The following SLC5A3 variants were observed in gnomAD, a reference collection of about 807,000 sequenced individuals.
SLC5A3 encodes sodium/myo-inositol cotransporter.
In SLC5A3, 10 loss-of-function variants were observed where a neutral mutation model predicts 43.2. The observed-to-expected ratio is 0.23, with a 90% CI of 0.14 to 0.39. The LOEUF (loss-of-function observed/expected upper bound fraction) is 0.39. Ranked by LOEUF, SLC5A3 falls within the 10% of genes least tolerant of loss-of-function variation. The probability of loss-of-function intolerance (pLI) is 1.00; values close to 1 mark genes in which losing one functional copy is unlikely to be tolerated. For synonymous variants in SLC5A3, 349 were observed against 322.0 expected (o/e 1.08, Z -0.90); for missense variants, 608 against 893.4 (o/e 0.68, Z 4.07).
Position 34,106,173 on chromosome 21 carries a change from G to A in SLC5A3, c.*8818G>A. Reference sequence around the variant, plus strand: ...TCTTGCAAAGTACATTCCTTTCTGTGGTATTTTGTCCTGTAACTGAAGTAT... The same window carrying A: ...TCTTGCAAAGTACATTCCTTTCTGTAGTATTTTGTCCTGTAACTGAAGTAT... On this transcript the variant is annotated 3_prime_UTR_variant, in exon 2 of 2. Transcript: ENST00000381151. The A allele has an allele frequency of 1.0e-6, 1 of 987,776 alleles. No individual in the cohort carries two copies. Among genetic ancestry groups the A allele is most frequent in the Non-Finnish European group, 1.2e-6 (1 of 818,616 alleles). 61.2% of individuals were successfully genotyped at this position (987,776 alleles called of 1,614,324 possible).
At position 34,097,553 on chromosome 21, in the gene SLC5A3, C is replaced by A. The variant is rs4817618; in HGVS notation, c.*198C>A. 1,363,869 of 1,363,872 alleles carry A rather than the reference C, an allele frequency of 1. 681,933 individuals are homozygous for A. The highest frequency in any genetic ancestry group is 1 in the Middle Eastern group (3,614 of 3,614). 84.5% of individuals were successfully genotyped at this position (1,363,872 alleles called of 1,614,324 possible). ...AGTAAATCTTCAACTTAAGTGAAGC[C>A]AAACCTAACAGACTGAATTGTGCAA... is the stretch of plus-strand genomic sequence containing the variant. On this transcript the variant is annotated 3_prime_UTR_variant, in exon 2 of 2. Transcript: ENST00000381151.
intron 1 of SLC5A3, among the ~76,000 whole-genome samples, chr21:34,079,961 T>C (rs1009672390): frequency 6.6e-6 from 1 of 152,176 alleles, no homozygotes; most frequent in Non-Finnish European, 1.5e-5. Context: ...TTCTGTCATC[T>C]GGGGCTGAAC....
At position 34,099,400 on chromosome 21, in the gene SLC5A3, T is replaced by G; in HGVS notation, c.*2045T>G. 1.0e-6 allele frequency: 1 copy of G among 1,000,250 alleles called. No individual in the cohort carries two copies. The highest frequency in any genetic ancestry group is 1.2e-6 in the Non-Finnish European group (1 of 829,946). 62.0% of individuals were successfully genotyped at this position (1,000,250 alleles called of 1,614,324 possible). On this transcript the variant is annotated 3_prime_UTR_variant, in exon 2 of 2. Transcript: ENST00000381151. ...GGTTGTCAATGTTTTGTCCTGTTTT[T>G]TCAAAGGAACTGTTCTTCCTTTGGG...
Position 34,097,807 on chromosome 21 carries a change from A to T in SLC5A3, c.*452A>T, listed in dbSNP as rs1166521156. 2 of 999,962 alleles carry T rather than the reference A, an allele frequency of 2.0e-6. No individual in the cohort carries two copies. The highest frequency in any genetic ancestry group is 2.4e-6 in the Non-Finnish European group (2 of 829,646). 61.9% of individuals were successfully genotyped at this position (999,962 alleles called of 1,614,324 possible). A position where few individuals can be genotyped will look rare whatever the true frequency, so the allele number is the denominator to read the frequency against. On this transcript the variant is annotated 3_prime_UTR_variant, in exon 2 of 2. Transcript: ENST00000381151. ...AAAACTTATTTCTTAGACATTGTAC[A>T]ATCAGTTATGTACTGAAAATCGAAT...
In SLC5A3 at chr21:34,100,672, G is replaced by A; in HGVS notation, c.*3317G>A. The A allele has an allele frequency of 2.0e-6, 2 of 1,000,184 alleles. No homozygotes were observed. Among genetic ancestry groups the A allele is most frequent in the Non-Finnish European group, 2.4e-6 (2 of 829,974 alleles). The allele number at this position is 1,000,184 out of a possible 1,614,324, so 62.0% of individuals were successfully genotyped here. A position where few individuals can be genotyped will look rare whatever the true frequency, so the allele number is the denominator to read the frequency against. ...TTCACATTTTAAGAACTGAGTTGAG[G>A]GGGTTGTTATGCACTTCTGTAACTT... On this transcript the variant is annotated 3_prime_UTR_variant, in exon 2 of 2. Transcript: ENST00000381151.
At position 34,095,864 on chromosome 21, in the gene SLC5A3, C is replaced by G. The variant is rs752298091; in HGVS notation, c.666C>G (p.Pro222=). ...EVKRRYMLAS[P]DVTSILLTYN... is the part of the protein sequence containing the mutation. Reference sequence around the variant, plus strand: ...AGAGAAGGTACATGTTGGCCTCACCCGATGTCACTTCCATCTTATTGACAT... The same window carrying G: ...AGAGAAGGTACATGTTGGCCTCACCGGATGTCACTTCCATCTTATTGACAT... Residue 222 remains proline, a synonymous_variant, in exon 2 of 2, where the codon CCC becomes CCG. Coordinates refer to ENST00000381151, the MANE Select transcript of SLC5A3 (RefSeq NM_006933.7). The G allele has an allele frequency of 1.2e-6, 2 of 1,613,912 alleles. No homozygotes were observed. Among genetic ancestry groups the G allele is most frequent in the African/African-American group, 1.3e-5 (1 of 74,880 alleles).
At chr21:34,090,676 C>G (rs554101983) in intron 1 of SLC5A3, among the ~76,000 whole-genome samples, 1 of 152,166 alleles carries the variant, frequency 6.6e-6, no homozygotes, top group Non-Finnish European at 1.5e-5. Flanking sequence ...TGAGCCACCT[C>G]CCCATTGCAC....
At chr21:34,075,150 C>T (rs962015877) in intron 1 of SLC5A3, among the ~76,000 whole-genome samples, 2 of 152,206 alleles carry the variant, frequency 1.3e-5, no homozygotes, top group African/African-American at 4.8e-5. Context: ...GTTGTTTAAG[C>T]CCTCCCTTCA....
chr21:34,088,065 C>CTA, intron 1 of SLC5A3, among the ~76,000 whole-genome samples: 1 of 152,206 alleles, frequency 6.6e-6, no homozygotes, highest in South Asian at 2.1e-4. Context: ...CAACAGGCAA[C>CTA]TACAACACTT....
intron 1 of SLC5A3, among the ~76,000 whole-genome samples, chr21:34,093,869 A>AT (rs1978835581): frequency 6.6e-6 from 1 of 152,170 alleles, no homozygotes; most frequent in Admixed American, 6.5e-5. Context: ...CCTACTGAAG[A>AT]TTTATCTAAT....
Position 34,104,449 on chromosome 21 carries a change from T to C in SLC5A3, c.*7094T>C. ...TAAATTTTGCCCATGTGTTAAAAGATGTAATTCTCAGAATGGGAGAGAAAT... is the reference window on the plus strand; with the variant it reads ...TAAATTTTGCCCATGTGTTAAAAGACGTAATTCTCAGAATGGGAGAGAAAT... On this transcript the variant is annotated 3_prime_UTR_variant, in exon 2 of 2. Transcript: ENST00000381151. The C allele has an allele frequency of 1.0e-6, 1 of 999,810 alleles. No individual in the cohort carries two copies. Among genetic ancestry groups the C allele is most frequent in the Non-Finnish European group, 1.2e-6 (1 of 829,658 alleles). The allele number at this position is 999,810 out of a possible 1,614,324, so 61.9% of individuals were successfully genotyped here.
In SLC5A3 at chr21:34,104,890, T is replaced by C; in HGVS notation, c.*7535T>C. The C allele has an allele frequency of 1.0e-6, 1 of 1,000,282 alleles. No homozygotes were observed. The highest frequency in any genetic ancestry group is 1.2e-6 in the Non-Finnish European group (1 of 829,958). 62.0% of individuals were successfully genotyped at this position (1,000,282 alleles called of 1,614,324 possible). On this transcript the variant is annotated 3_prime_UTR_variant, in exon 2 of 2. Coordinates refer to ENST00000381151, the MANE Select transcript of SLC5A3 (RefSeq NM_006933.7). ...ACAAAAAAATGCTTCTGGAGATTTC[T>C]TTGGCAGAAATGCCTTTCATCTATA...
chr21:34,105,586 G>A lies in SLC5A3; in HGVS notation c.*8231G>A. 1 of 999,992 alleles carries A rather than the reference G, an allele frequency of 1.0e-6. No homozygotes were observed. Among genetic ancestry groups the A allele is most frequent in the Non-Finnish European group, 1.2e-6 (1 of 829,770 alleles). 61.9% of individuals were successfully genotyped at this position (999,992 alleles called of 1,614,324 possible). On this transcript the variant is annotated 3_prime_UTR_variant, in exon 2 of 2. Coordinates refer to ENST00000381151, the MANE Select transcript of SLC5A3 (RefSeq NM_006933.7). ...TGTTCAGATTTTTTGTAAGAGACCA[G>A]TTAGTACACTGGGGGTGTATATTGT...
At position 34,097,309 on chromosome 21, in the gene SLC5A3, C is replaced by G. The variant is rs1401142371; in HGVS notation, c.2111C>G (p.Ala704Gly). ...VKVILNIGLF[A>G]VCSLGIFMFV... Reference sequence around the variant, plus strand: ...GTAATACTAAATATTGGACTTTTTGCTGTGTGTTCACTTGGAATTTTCATG... The same window carrying G: ...GTAATACTAAATATTGGACTTTTTGGTGTGTGTTCACTTGGAATTTTCATG... Residue 704 changes from alanine (A) to glycine (G), a missense_variant, in exon 2 of 2, where the codon GCT (alanine) becomes GGT (glycine). Physicochemically the swap from Ala to Gly is moderately conservative, Grantham distance 60 (BLOSUM62 0). Around this residue, in one of 2 missense-constraint regions of SLC5A3, gnomAD observed 210 missense variants for 224.8 expected, o/e 0.93. Transcript: ENST00000381151. 6.2e-7 allele frequency: 1 copy of G among 1,610,410 alleles called. No homozygotes were observed. The highest frequency in any genetic ancestry group is 2.2e-5 in the East Asian group (1 of 44,858).
intron 1 of SLC5A3, among the ~76,000 whole-genome samples, chr21:34,094,007 A>G (rs1223765541): frequency 1.3e-5 from 2 of 152,228 alleles, no homozygotes; most frequent in African/African-American, 4.8e-5. Flanking sequence ...AAAGCATTAA[A>G]AGGAAAACAT....
Position 34,096,985 on chromosome 21 carries a change from A to G in SLC5A3, c.1787A>G (p.Lys596Arg). ...IPNGKSEDSIKGLQPEDVNLL... is the reference protein window; with the variant it reads ...IPNGKSEDSIRGLQPEDVNLL... Reference sequence around the variant, plus strand: ...AACGGGAAATCTGAAGACAGCATTAAGGGCCTTCAGCCTGAAGATGTTAAT... The same window carrying G: ...AACGGGAAATCTGAAGACAGCATTAGGGGCCTTCAGCCTGAAGATGTTAAT... Residue 596 changes from lysine (K) to arginine (R), a missense_variant, in exon 2 of 2, where the codon AAG becomes AGG. Coordinates refer to ENST00000381151, the MANE Select transcript of SLC5A3 (RefSeq NM_006933.7). The surrounding 1 kb of genome is among the most constrained non-coding windows in gnomAD (Gnocchi z 5.9). The G allele has an allele frequency of 6.2e-7, 1 of 1,614,086 alleles. No homozygotes were observed. Among genetic ancestry groups the G allele is most frequent in the Non-Finnish European group, 8.5e-7 (1 of 1,179,964 alleles).
At chr21:34,075,198 C>T (rs148760762) in intron 1 of SLC5A3, among the ~76,000 whole-genome samples, 1 of 152,302 alleles carries the variant, frequency 6.6e-6, no homozygotes, top group African/African-American at 2.4e-5. Flanking sequence ...CTGGGAAATT[C>T]GTTACTGAAA....
rs1459554299 is a variant in SLC5A3 at position 34,101,286 on chromosome 21, C to G, written c.*3931C>G. 1.0e-6 allele frequency: 1 copy of G among 1,000,192 alleles called. No homozygotes were observed. The highest frequency in any genetic ancestry group is 1.1e-4 in the East Asian group (1 of 8,818). The allele number at this position is 1,000,192 out of a possible 1,614,324, so 62.0% of individuals were successfully genotyped here. On this transcript the variant is annotated 3_prime_UTR_variant, in exon 2 of 2. Coordinates refer to ENST00000381151, the MANE Select transcript of SLC5A3 (RefSeq NM_006933.7). ...TGGCTCTCAGCTACTTTAAACTCCT[C>G]CCCATATAAATCAGGGCACCAATAA...
In SLC5A3 at chr21:34,096,307, T is replaced by C; in HGVS notation, c.1109T>C (p.Val370Ala). The C allele has an allele frequency of 6.2e-7, 1 of 1,614,122 alleles. No individual in the cohort carries two copies. The highest frequency in any genetic ancestry group is 8.5e-7 in the Non-Finnish European group (1 of 1,179,996). ...PVGLRGLMMAVMIAALMSDLD... is the reference protein window; with the variant it reads ...PVGLRGLMMAAMIAALMSDLD... The stretch of plus-strand genomic sequence containing the variant: ...GGCCTTCGGGGTTTAATGATGGCAG[T>C]GATGATTGCAGCTCTGATGAGTGAC... The change falls in exon 2 of 2, where the codon GTG becomes GCG. Residue 370 changes from valine (V) to alanine (A), a missense_variant. Physicochemically the swap from Val to Ala is moderately conservative, Grantham distance 64. Transcript: ENST00000381151. This position sits in a 1 kb window ranked among gnomAD's most constrained non-coding sequence, Gnocchi z 5.9.
Sources: allele counts gnomAD v4.1 joint callset (sites outside exome capture counted in the v4.1 genomes callset), GRCh38; gene constraint gnomAD v4.1.1; regional missense constraint gnomAD v4.1.1; non-coding constraint Gnocchi (gnomAD v3.1); transcripts MANE v1.5; gene names NCBI Gene and HGNC (gene_info 2026-07-23, HGNC 2026-07-21).